Variants in GRM1 observed in about 807,000 individuals in gnomAD.
The protein encoded by GRM1 is metabotropic glutamate receptor 1.
GRM1 carries 33 observed loss-of-function variants against 90.9 expected under a neutral mutation model. The ratio of observed to expected loss-of-function variants is 0.36; its 90% confidence interval spans 0.28 to 0.49. The LOEUF is 0.49. Among genes scored for constraint, GRM1 ranks in the 20% least tolerant of loss-of-function variants. The probability of loss-of-function intolerance (pLI) is 0.99; values close to 1 mark genes in which losing one functional copy is unlikely to be tolerated. For synonymous variants in GRM1, 700 were observed against 613.2 expected, an observed-to-expected ratio of 1.14 and a Z score of -2.09; for missense variants, 1,190 against 1,534.3, an observed-to-expected ratio of 0.78 and a Z score of 3.75.
chr6:146,275,252 C>T (rs1035824957), intron 2 of GRM1, among the ~76,000 whole-genome samples: 5 of 152,064 alleles, frequency 3.3e-5, no homozygotes, highest in African/African-American at 1.2e-4. Context: ...CCACAAATTG[C>T]AGTAGGCAGG....
intron 2 of GRM1, among the ~76,000 whole-genome samples, chr6:146,274,984 C>G (rs1338629925): frequency 1.3e-5 from 2 of 151,964 alleles, no homozygotes; most frequent in South Asian, 2.1e-4. Context: ...GAGCCAAGAT[C>G]GTGCCACTGC....
At chr6:146,275,066 G>A (rs1047707082) in intron 2 of GRM1, among the ~76,000 whole-genome samples, 1 of 152,114 alleles carries the variant, frequency 6.6e-6, no homozygotes, top group Non-Finnish European at 1.5e-5. Flanking sequence ...AAAAGAAAAA[G>A]ATGGCACTTG....
chr6:146,207,479 A>G (rs1779535109), intron 2 of GRM1, among the ~76,000 whole-genome samples: 1 of 152,144 alleles, frequency 6.6e-6, no homozygotes, highest in African/African-American at 2.4e-5. Context: ...TTTCTTATAG[A>G]TGCTGGATAT....
intron 3 of GRM1, among the ~76,000 whole-genome samples, chr6:146,339,561 A>G (rs1456382010): frequency 3.3e-5 from 5 of 152,210 alleles, no homozygotes; most frequent in African/African-American, 9.6e-5. Context: ...TCTTAAATGT[A>G]TTGTAGTCAC....
At chr6:146,121,170 GT>G (rs1775975289) in intron 1 of GRM1, among the ~76,000 whole-genome samples, 1 of 152,118 alleles carries the variant, frequency 6.6e-6, no homozygotes, top group Non-Finnish European at 1.5e-5. Flanking sequence ...TCTTGGGAGG[GT>G]GTATGTGTCC....
At chr6:146,389,944 G>A (rs903681851) in intron 6 of GRM1, among the ~76,000 whole-genome samples, 2 of 152,090 alleles carry the variant, frequency 1.3e-5, no homozygotes, top group African/African-American at 4.8e-5. Flanking sequence ...GTGCCAATGT[G>A]TTGTGGGTGT....
intron 5 of GRM1, among the ~76,000 whole-genome samples, chr6:146,359,438 G>A (rs1449481575): frequency 6.6e-6 from 1 of 152,236 alleles, no homozygotes; most frequent in Non-Finnish European, 1.5e-5. Context: ...TGCCTCTCCA[G>A]TGTGGGTGTA....
intron 7 of GRM1, among the ~76,000 whole-genome samples, chr6:146,406,339 A>G (rs1208423891): frequency 1.3e-5 from 2 of 152,186 alleles, no homozygotes; most frequent in African/African-American, 4.8e-5. Flanking sequence ...CAGGCTGGGA[A>G]CTTATCATCA....
At chr6:146,315,077 G>A (rs1783920738) in intron 3 of GRM1, among the ~76,000 whole-genome samples, 1 of 152,074 alleles carries the variant, frequency 6.6e-6, no homozygotes, top group Admixed American at 6.6e-5. Flanking sequence ...AATGCACTGG[G>A]GAGTTATATT....
At chr6:146,250,108 G>T (rs374896982) in intron 2 of GRM1, among the ~76,000 whole-genome samples, 2 of 152,134 alleles carry the variant, frequency 1.3e-5, no homozygotes, top group South Asian at 2.1e-4. Flanking sequence ...ACTTGTTTTT[G>T]ATTTTATAGG....
intron 7 of GRM1, among the ~76,000 whole-genome samples, chr6:146,415,415 T>G (rs1777744422): frequency 6.6e-6 from 1 of 152,230 alleles, no homozygotes; most frequent in Non-Finnish European, 1.5e-5. Flanking sequence ...TTTTTGTTTT[T>G]GTTTTTTTCT....
At chr6:146,227,986 C>T (rs1267248508) in intron 2 of GRM1, among the ~76,000 whole-genome samples, 4 of 152,004 alleles carry the variant, frequency 2.6e-5, no homozygotes, top group East Asian at 3.9e-4. Flanking sequence ...TGTTGTCAAG[C>T]GAGACCACGA....
intron 5 of GRM1, among the ~76,000 whole-genome samples, chr6:146,367,611 C>T (rs1398445377): frequency 6.6e-6 from 1 of 152,070 alleles, no homozygotes; most frequent in Non-Finnish European, 1.5e-5. Context: ...TTGCCATCTT[C>T]ATGTCCATGT....
chr6:146,275,816 CTTAT>C (rs1782339882), intron 2 of GRM1, among the ~76,000 whole-genome samples: 1 of 152,134 alleles, frequency 6.6e-6, no homozygotes. Flanking sequence ...GAAATTCTTA[CTTAT>C]TTAATTTTAT....
intron 1 of GRM1, among the ~76,000 whole-genome samples, chr6:146,059,823 G>T (rs1366679157): frequency 6.6e-6 from 1 of 152,104 alleles, no homozygotes; most frequent in African/African-American, 2.4e-5. Context: ...CTTTCCTCAA[G>T]AACCAACCCC....
At chr6:146,265,702 T>C (rs1256967068) in intron 2 of GRM1, among the ~76,000 whole-genome samples, 1 of 152,192 alleles carries the variant, frequency 6.6e-6, no homozygotes, top group East Asian at 1.9e-4. Flanking sequence ...AGTTAGTTTT[T>C]GTATATTGTG....
At chr6:146,286,139 T>G (rs1423950133) in intron 2 of GRM1, among the ~76,000 whole-genome samples, 2 of 152,138 alleles carry the variant, frequency 1.3e-5, no homozygotes, top group Non-Finnish European at 2.9e-5. Context: ...ACATCTCTTT[T>G]AAAAATATTC....
intron 7 of GRM1, among the ~76,000 whole-genome samples, chr6:146,410,897 G>A (rs528144384): frequency 6.6e-6 from 1 of 152,328 alleles, no homozygotes; most frequent in Non-Finnish European, 1.5e-5. Context: ...GCTAATCCTA[G>A]TATAAAATCA....
At chr6:146,211,952 G>A (rs529928954) in intron 2 of GRM1, among the ~76,000 whole-genome samples, 4 of 152,174 alleles carry the variant, frequency 2.6e-5, no homozygotes, top group Non-Finnish European at 5.9e-5. Flanking sequence ...TGACACAGTT[G>A]TCAGGGCTGG....
Sources: allele counts gnomAD v4.1 joint callset (sites outside exome capture counted in the v4.1 genomes callset), GRCh38; gene constraint gnomAD v4.1.1; transcripts MANE v1.5; gene names NCBI Gene and HGNC (gene_info 2026-07-23, HGNC 2026-07-21).